ARHGAP8: variants seen among roughly 807,000 people sequenced by gnomAD.
ARHGAP8 encodes Rho GTPase activating protein 8, also known as rho GTPase-activating protein 8.
ARHGAP8 carries 62 observed loss-of-function variants against 46.1 expected under a neutral mutation model. That is an observed-to-expected ratio of 1.34 (90% CI 1.10 to 1.66). The LOEUF (loss-of-function observed/expected upper bound fraction) is 1.66. ARHGAP8 is among the 40% of genes most tolerant of loss of function. The probability of loss-of-function intolerance (pLI) is 0.00; values close to 1 mark genes in which losing one functional copy is unlikely to be tolerated. For synonymous variants in ARHGAP8, 375 were observed against 243.1 expected (o/e 1.54, Z -5.05); for missense variants, 923 against 568.4 (o/e 1.62, Z -6.34).
chr22:44,792,889 T>C (rs1927809913), intron 2 of ARHGAP8, among the ~76,000 whole-genome samples: 1 of 151,706 alleles, frequency 6.6e-6, no homozygotes, highest in Admixed American at 6.6e-5. Context: ...AGTGGCGCAA[T>C]CTCGGCTCAC....
chr22:44,808,498 T>TC, intron 4 of ARHGAP8, 60 bp downstream of exon 4: 1 of 1,595,502 alleles, frequency 6.3e-7, no homozygotes, highest in Non-Finnish European at 8.5e-7. Context: ...GGAGGAGGCA[T>TC]TGTGGCCACA....
intron 4 of ARHGAP8, among the ~76,000 whole-genome samples, chr22:44,810,898 G>A (rs1361510439): frequency 1.3e-5 from 2 of 151,402 alleles, no homozygotes; most frequent in Non-Finnish European, 2.9e-5. Context: ...TTGAGGAGAA[G>A]CGAGTGATGT....
chr22:44,803,730 C>T lies in ARHGAP8; in HGVS notation c.167+1566C>T, dbSNP rs151016011. On this transcript the variant is annotated intron_variant, in intron 3 of 11. Transcript: ENST00000356099. ...ACCCCCCCATGCATGCACCTCCTCTCATGCACCCACCCTCTCCCATGCACA... is the reference window on the plus strand; with the variant it reads ...ACCCCCCCATGCATGCACCTCCTCTTATGCACCCACCCTCTCCCATGCACA... Among the ~76,000 whole-genome samples the T allele has an allele frequency of 4.8e-3, 565 of 116,788 alleles. 6 individuals carry two copies. The highest frequency in any genetic ancestry group is 8.3e-3 in the Non-Finnish European group (446 of 53,978). The allele number at this position is 116,788 out of a possible 152,430, so 76.6% of individuals were successfully genotyped here. A position where few individuals can be genotyped will look rare whatever the true frequency, so the allele number is the denominator to read the frequency against.
chr22:44,843,787 T>C (rs930668970), intron 7 of ARHGAP8, among the ~76,000 whole-genome samples: 3 of 143,252 alleles, frequency 2.1e-5, no homozygotes, highest in African/African-American at 8.0e-5. Context: ...ATCACACCGC[T>C]GTACTCCAAC....
intron 8 of ARHGAP8, 71 bp downstream of exon 8, chr22:44,845,413 G>T: frequency 1.2e-6 from 2 of 1,603,396 alleles, no homozygotes; most frequent in Admixed American, 3.4e-5. Flanking sequence ...GGTTTGTCTT[G>T]GATCCTGAGC....
At chr22:44,799,318 T>C (rs1056098006) in intron 2 of ARHGAP8, among the ~76,000 whole-genome samples, 2 of 152,240 alleles carry the variant, frequency 1.3e-5, no homozygotes, top group Non-Finnish European at 2.9e-5. Context: ...CCCCTGCCTC[T>C]GTGCTCACAG....
chr22:44,757,279 ATT>A (rs372905719), intron 1 of ARHGAP8, among the ~76,000 whole-genome samples: 32 of 143,750 alleles, frequency 2.2e-4, no homozygotes, highest in African/African-American at 5.8e-4. Context: ...CAAATATTTA[ATT>A]TTTTTTTTTT....
intron 2 of ARHGAP8, among the ~76,000 whole-genome samples, chr22:44,790,726 C>T (rs71328676): frequency 1 from 127,352 of 127,364 alleles, 63,670 homozygotes; most frequent in Middle Eastern, 1. Context: ...GGGAAAGAAC[C>T]TGGCCGTTTT....
At position 44,763,632 on chromosome 22, in the gene ARHGAP8, G is replaced by C. The variant is rs998610244; in HGVS notation, c.-72+11005G>C. ...GATGTTAGCGACTGAAAAGGGAATC[G>C]GAAGGACAGGGCATTTGTAGATCAG... On this transcript the variant is annotated intron_variant, in intron 1 of 11. Coordinates refer to ENST00000356099, the MANE Select transcript of ARHGAP8 (RefSeq NM_181335.3). Among the ~76,000 whole-genome samples, 4 of 151,892 alleles carry C rather than the reference G, an allele frequency of 2.6e-5. No individual in the cohort carries two copies. In the East Asian group the frequency reaches 7.7e-4, roughly 29 times the overall value.
At chr22:44,837,323 TCCCCGATGC>T (rs1161447796) in intron 7 of ARHGAP8, among the ~76,000 whole-genome samples, 2 of 152,010 alleles carry the variant, frequency 1.3e-5, no homozygotes, top group Non-Finnish European at 2.9e-5. Flanking sequence ...ATGCTGAGAG[TCCCCGATGC>T]CCTCCAGTGG....
chr22:44,762,426 A>AC lies in ARHGAP8; in HGVS notation c.-72+9803dup, dbSNP rs560507126. On this transcript the variant is annotated intron_variant, in intron 1 of 11. Transcript: ENST00000356099. The stretch of plus-strand genomic sequence containing the variant: ...ACTCCAACCTGGGCAACAGCATGAG[A>AC]CCCCATCTCTAAAACAAAAAAAAAT... 5.5e-5 allele frequency among the ~76,000 whole-genome samples: 8 copies of AC among 145,426 alleles called. No homozygotes were observed. The South Asian group carries it at 1.6e-3, about 28-fold the overall frequency.
intron 7 of ARHGAP8, among the ~76,000 whole-genome samples, chr22:44,840,118 G>T (rs1471590140): frequency 6.6e-6 from 1 of 152,180 alleles, no homozygotes; most frequent in South Asian, 2.1e-4. Context: ...GAAGAGTCAG[G>T]CTCTTTAGGA....
At chr22:44,811,809 A>G (rs909509100) in intron 4 of ARHGAP8, among the ~76,000 whole-genome samples, 4 of 152,134 alleles carry the variant, frequency 2.6e-5, no homozygotes, top group Non-Finnish European at 4.4e-5. Flanking sequence ...CAGTCTGGCC[A>G]ACATGGTGAA....
intron 1 of ARHGAP8, among the ~76,000 whole-genome samples, chr22:44,763,504 A>T (rs1242800424): frequency 6.6e-6 from 1 of 151,730 alleles, no homozygotes; most frequent in Non-Finnish European, 1.5e-5. Flanking sequence ...AAAAAAAAAA[A>T]AAAAAAAAGA....
intron 1 of ARHGAP8, among the ~76,000 whole-genome samples, chr22:44,756,953 T>A (rs867178542): frequency 1.5e-4 from 23 of 152,170 alleles, no homozygotes; most frequent in African/African-American, 5.6e-4. Context: ...AGATAGGATC[T>A]TGCTCTGTTG....
intron 1 of ARHGAP8, among the ~76,000 whole-genome samples, chr22:44,754,163 G>A (rs1409569284): frequency 6.6e-6 from 1 of 152,134 alleles, no homozygotes; most frequent in Non-Finnish European, 1.5e-5. Context: ...GCTTAGGAAG[G>A]GCTTCCTGGA....
At chr22:44,802,270 C>T (rs975604328) in intron 3 of ARHGAP8, 106 bp downstream of exon 3, 2 of 1,395,296 alleles carry the variant, frequency 1.4e-6, no homozygotes, top group Admixed American at 4.2e-5. Context: ...CTGGGGCCTC[C>T]TTTGTGACCT....
At chr22:44,761,995 C>A (rs1021594097) in intron 1 of ARHGAP8, among the ~76,000 whole-genome samples, 23 of 152,240 alleles carry the variant, frequency 1.5e-4, no homozygotes, top group Admixed American at 1.2e-3. Flanking sequence ...CAGTTACCTC[C>A]CACCAGGTCC....
At chr22:44,858,533 C>CTT (rs10700242) in intron 10 of ARHGAP8, among the ~76,000 whole-genome samples, 2,336 of 89,694 alleles carry the variant, frequency 0.026, 156 homozygotes, top group African/African-American at 0.067. Flanking sequence ...CCATACCCGG[C>CTT]TTTTTTTTTT....
Sources: gnomAD v4.1 joint callset for allele counts (sites outside exome capture counted in the v4.1 genomes callset) on GRCh38, gnomAD v4.1.1 for gene constraint, MANE v1.5 for transcripts, NCBI Gene and HGNC (gene_info 2026-07-23, HGNC 2026-07-21) for gene names.